GSR: variants seen among roughly 807,000 people sequenced by gnomAD.
GSR encodes the protein glutathione reductase, mitochondrial.
GSR carries 48 observed loss-of-function variants against 56.5 expected under a neutral mutation model. The observed-to-expected ratio is 0.85, with a 90% CI of 0.67 to 1.08. GSR has a LOEUF of 1.08. Among genes scored for constraint, GSR ranks in the 50% least tolerant of loss-of-function variants. The pLI is 0.00. For missense variants in GSR, 694 were observed against 703.3 expected (o/e 0.99, Z 0.15); for synonymous variants, 264 against 270.8 (o/e 0.97, Z 0.25).
chr8:30,686,689 T>C (rs1803172928), intron 9 of GSR, among the ~76,000 whole-genome samples: 1 of 152,020 alleles, frequency 6.6e-6, no homozygotes, highest in Non-Finnish European at 1.5e-5. Flanking sequence ...AGCAAGACCC[T>C]ATCCAACCCC....
At chr8:30,694,085 A>G (rs1275554548) in intron 7 of GSR, among the ~76,000 whole-genome samples, 2 of 152,152 alleles carry the variant, frequency 1.3e-5, no homozygotes, top group Non-Finnish European at 2.9e-5. Context: ...GCAAAATAAT[A>G]CTTACCTATG....
chr8:30,701,217 G>A (rs1803728177), intron 5 of GSR, among the ~76,000 whole-genome samples: 1 of 152,050 alleles, frequency 6.6e-6, no homozygotes, highest in South Asian at 2.1e-4. Flanking sequence ...TATAATCCCA[G>A]CACTTTGGGA....
intron 10 of GSR, among the ~76,000 whole-genome samples, chr8:30,683,876 A>G (rs960245512): frequency 6.6e-6 from 1 of 152,158 alleles, no homozygotes; most frequent in African/African-American, 2.4e-5. Flanking sequence ...TCTACATGAA[A>G]ACTTCAGTCT....
At chr8:30,707,454 A>G (rs2978301) in intron 4 of GSR, among the ~76,000 whole-genome samples, 23 of 152,242 alleles carry the variant, frequency 1.5e-4, no homozygotes, top group Non-Finnish European at 3.1e-4. Context: ...CTAAGGCAGG[A>G]GTTTAAAGAC....
At chr8:30,702,522 T>C (rs556740504) in intron 5 of GSR, among the ~76,000 whole-genome samples, 1 of 152,248 alleles carries the variant, frequency 6.6e-6, no homozygotes, top group Admixed American at 6.5e-5. Context: ...TCACGTGTCT[T>C]GTAAATAACA....
Position 30,684,103 on chromosome 8 carries a change from C to T in GSR, c.1138G>A (p.Ala380Thr). ...IYAVGDVCGKALLTPVAIAAG... is the reference protein window; with the variant it reads ...IYAVGDVCGKTLLTPVAIAAG... ...GAGACCTTACCTGGAGTAAGAAGAG[C>T]TTTTCCACATACATCCCCAACTGCA... Residue 380 changes from alanine to threonine, a missense_variant, in exon 10 of 13, where the codon GCT becomes ACT. Physicochemically the swap from Ala to Thr is moderately conservative, Grantham distance 58 (BLOSUM62 0). Transcript: ENST00000221130. 6.3e-7 allele frequency: 1 copy of T among 1,579,324 alleles called. No homozygotes were observed. The highest frequency in any genetic ancestry group is 8.7e-7 in the Non-Finnish European group (1 of 1,148,230).
At chr8:30,713,578 C>G (rs762798123) in intron 1 of GSR, among the ~76,000 whole-genome samples, 1 of 151,930 alleles carries the variant, frequency 6.6e-6, no homozygotes, top group African/African-American at 2.4e-5. Context: ...AGGCTGGTCT[C>G]GAACTCATGA....
At position 30,684,928 on chromosome 8, in the gene GSR, C is replaced by CATTT. The variant is rs57141426; in HGVS notation, c.1042-733_1042-730dup. On this transcript the variant is annotated intron_variant, in intron 9 of 12. Coordinates refer to ENST00000221130, the MANE Select transcript of GSR (RefSeq NM_000637.5). Reference sequence around the variant, plus strand: ...CACACCTGGATAATTTTTTAACATACATTTATTTATTTATTTATTTATTTA... The same window carrying CATTT: ...CACACCTGGATAATTTTTTAACATACATTTATTTATTTATTTATTTATTTATTTA... 5.3e-3 allele frequency among the ~76,000 whole-genome samples: 710 copies of CATTT among 133,844 alleles called. 4 individuals are homozygous for CATTT. Among genetic ancestry groups the CATTT allele is most frequent in the East Asian group, 0.011 (50 of 4,498 alleles). 87.8% of individuals were successfully genotyped at this position (133,844 alleles called of 152,430 possible).
chr8:30,719,104 A>AT lies in GSR; in HGVS notation c.307-7017dup, dbSNP rs35944160. Among the ~76,000 whole-genome samples, 61 of 73,616 alleles carry AT rather than the reference A, an allele frequency of 8.3e-4. No homozygotes were observed. In the East Asian group the frequency reaches 9.5e-3, roughly 11 times the overall value. The allele number at this position is 73,616 out of a possible 152,430, so 48.3% of individuals were successfully genotyped here. On this transcript the variant is annotated intron_variant, in intron 1 of 12. Coordinates refer to ENST00000221130, the MANE Select transcript of GSR (RefSeq NM_000637.5). ...GCCACCACGCCCAGCTAATTTTTAAATTTTTTTTTTTTTTTTTTTTTGAGA... is the reference window on the plus strand; with the variant it reads ...GCCACCACGCCCAGCTAATTTTTAAATTTTTTTTTTTTTTTTTTTTTTGAGA...
intron 11 of GSR, 48 bp from the exon 12 acceptor site, chr8:30,681,085 C>T (rs1214095650): frequency 6.7e-7 from 1 of 1,481,838 alleles, no homozygotes; most frequent in Non-Finnish European, 9.4e-7. Context: ...TAAACAATTA[C>T]ACTGAACTAT....
chr8:30,706,672 G>A (rs777541954), intron 4 of GSR, among the ~76,000 whole-genome samples: 1 of 152,108 alleles, frequency 6.6e-6, no homozygotes, highest in Non-Finnish European at 1.5e-5. Context: ...TGGGAAAGGT[G>A]TGACATCCCA....
At chr8:30,706,174 C>CA (rs78497840) in intron 4 of GSR, among the ~76,000 whole-genome samples, 390 of 103,900 alleles carry the variant, frequency 3.8e-3, no homozygotes, top group Middle Eastern at 0.02. Context: ...AGACCCTTTT[C>CA]AAAAAAAAAA....
chr8:30,678,520 T>C lies in GSR; in HGVS notation c.*1000A>G, dbSNP rs991777204. 6.6e-6 allele frequency: 1 copy of C among 151,468 alleles called. No homozygotes were observed. The highest frequency in any genetic ancestry group is 1.5e-5 in the Non-Finnish European group (1 of 67,898). 9.4% of individuals were successfully genotyped at this position (151,468 alleles called of 1,614,324 possible). ...AGATTACAGATGCACATCACCACAC[T>C]CGGGTAATTTTTTTTACTCTCTGTA... is the stretch of plus-strand genomic sequence containing the variant. On this transcript the variant is annotated 3_prime_UTR_variant, in exon 13 of 13. Coordinates refer to ENST00000221130, the MANE Select transcript of GSR (RefSeq NM_000637.5).
intron 1 of GSR, among the ~76,000 whole-genome samples, chr8:30,720,128 C>T (rs1004763469): frequency 4.6e-5 from 7 of 152,056 alleles, no homozygotes; most frequent in South Asian, 2.1e-4. Context: ...GTGGGAGGAT[C>T]GTTTGAGCCC....
chr8:30,684,056 C>A (rs1212767420), intron 10 of GSR, 32 bp downstream of exon 10: 1 of 1,088,882 alleles, frequency 9.2e-7, no homozygotes, highest in East Asian at 2.4e-5. Flanking sequence ...AACACGCAGA[C>A]CCTCCCTCAC....
At chr8:30,697,539 G>C (rs376152222) in intron 6 of GSR, among the ~76,000 whole-genome samples, 9 of 152,196 alleles carry the variant, frequency 5.9e-5, no homozygotes, top group African/African-American at 2.2e-4. Context: ...GAGGCAGGAG[G>C]ATAACTTGTG....
In GSR at chr8:30,678,160, C is replaced by G. The variant is rs1450388995; in HGVS notation, c.*1360G>C. ...AACACATACAAATATTGAAATTATT[C>G]ATTGAACTATAAACACTTAGCAGAG... On this transcript the variant is annotated 3_prime_UTR_variant, in exon 13 of 13. Coordinates refer to ENST00000221130, the MANE Select transcript of GSR (RefSeq NM_000637.5). 6.6e-6 allele frequency: 1 copy of G among 151,800 alleles called. No individual in the cohort carries two copies. The highest frequency in any genetic ancestry group is 1.5e-5 in the Non-Finnish European group (1 of 67,986). 9.4% of individuals were successfully genotyped at this position (151,800 alleles called of 1,614,324 possible). A position where few individuals can be genotyped will look rare whatever the true frequency, so the allele number is the denominator to read the frequency against.
At chr8:30,683,953 A>G (rs1803043265) in intron 10 of GSR, 135 bp downstream of exon 10, 4 of 745,732 alleles carry the variant, frequency 5.4e-6, no homozygotes, top group African/African-American at 1.7e-5. Context: ...ATTTCAACAC[A>G]TTGTACCATT....
chr8:30,709,957 G>A (rs2128746090), intron 2 of GSR, 55 bp from the exon 3 acceptor site: 1 of 935,254 alleles, frequency 1.1e-6, no homozygotes, highest in Non-Finnish European at 1.7e-6. Context: ...AGTCCTGAGG[G>A]AAAAAAGGAA....
Sources: gnomAD v4.1 joint callset for allele counts (sites outside exome capture counted in the v4.1 genomes callset) on GRCh38, gnomAD v4.1.1 for gene constraint, MANE v1.5 for transcripts, NCBI Gene and HGNC (gene_info 2026-07-23, HGNC 2026-07-21) for gene names.